DACH2: variants seen among roughly 807,000 people sequenced by gnomAD.
DACH2 encodes dachshund family transcription factor 2, also known as dachshund homolog 2.
Under a neutral mutation model 35.8 loss-of-function variants are expected in DACH2, and 17 were observed. That is an observed-to-expected ratio of 0.48 (90% confidence interval 0.33 to 0.71). DACH2 has a LOEUF of 0.71. Ranked by LOEUF, DACH2 falls within the 30% of genes least tolerant of loss-of-function variation. The probability of loss-of-function intolerance (pLI) is 0.02; values close to 1 mark genes in which losing one functional copy is unlikely to be tolerated. For synonymous variants in DACH2, 195 were observed against 177.3 expected (o/e 1.10, Z -0.79); for missense variants, 469 against 472.7 (o/e 0.99, Z 0.07).
At chrX:86,394,616 T>C (rs1231927189) in intron 2 of DACH2, among the ~76,000 whole-genome samples, 5 of 111,922 alleles carry the variant, frequency 4.5e-5, no homozygotes, top group African/African-American at 9.7e-5. Flanking sequence ...TGAAAGAATA[T>C]TTTTGTTTGT....
chrX:86,238,319 C>T (rs1302970512), intron 1 of DACH2, among the ~76,000 whole-genome samples: 1 of 111,430 alleles, frequency 9.0e-6, no homozygotes, highest in Non-Finnish European at 1.9e-5. Context: ...TGGCATTGTT[C>T]TTGATTTTGT....
chrX:86,334,138 C>T (rs1474637994), intron 1 of DACH2, among the ~76,000 whole-genome samples: 1 of 112,123 alleles, frequency 8.9e-6, no homozygotes, highest in Non-Finnish European at 1.9e-5. Flanking sequence ...GCCACATTTT[C>T]TTTATCCAGT....
chrX:86,691,466 A>C (rs1248938792), intron 4 of DACH2, among the ~76,000 whole-genome samples: 1 of 111,814 alleles, frequency 8.9e-6, no homozygotes, highest in Non-Finnish European at 1.9e-5. Context: ...GGTACTCCAT[A>C]AATATATACA....
intron 7 of DACH2, among the ~76,000 whole-genome samples, chrX:86,791,912 T>C (rs981650244): frequency 2.7e-5 from 3 of 112,038 alleles, no homozygotes; most frequent in Non-Finnish European, 5.6e-5. Context: ...GGGTTTGTTT[T>C]ACAGATTATT....
chrX:86,483,956 C>T (rs780244624), intron 2 of DACH2, among the ~76,000 whole-genome samples: 2 of 111,483 alleles, frequency 1.8e-5, no homozygotes, highest in Middle Eastern at 4.7e-3. Context: ...TATTTTTGTG[C>T]GTGTATGTAT....
intron 3 of DACH2, among the ~76,000 whole-genome samples, chrX:86,524,250 A>G (rs2038598932): frequency 8.9e-6 from 1 of 112,238 alleles, no homozygotes; most frequent in Admixed American, 9.5e-5. Flanking sequence ...TGCTGTAACT[A>G]CTTCCTGCTG....
intron 1 of DACH2, among the ~76,000 whole-genome samples, chrX:86,311,096 G>T (rs778755122): frequency 5.4e-5 from 6 of 111,859 alleles, no homozygotes; most frequent in Non-Finnish European, 9.4e-5. Context: ...TGGGTAATCA[G>T]CCAGCTACCT....
intron 1 of DACH2, among the ~76,000 whole-genome samples, chrX:86,198,896 T>A (rs2147899656): frequency 9.0e-6 from 1 of 110,648 alleles, no homozygotes; most frequent in African/African-American, 3.3e-5. Context: ...GAGGAGGGAC[T>A]CCTCCTTAAC....
rs1017725338 is a variant in DACH2, at chrX:86,473,914, A to G, written c.528-40365A>G. On this transcript the variant is annotated intron_variant, in intron 2 of 11. Coordinates refer to ENST00000373125, the MANE Select transcript of DACH2 (RefSeq NM_053281.3). ...CAAGATTATGGAATACAGTAGCTCT[A>G]TTTTTCATTTTTTGAGGAACCTCCA... 1.3e-4 allele frequency among the ~76,000 whole-genome samples: 14 copies of G among 111,065 alleles called. No individual in the cohort carries two copies. The Admixed American group carries it at 1.3e-3, about 11-fold the overall frequency.
intron 1 of DACH2, among the ~76,000 whole-genome samples, chrX:86,275,226 C>G (rs145191661): frequency 0.014 from 1,531 of 112,021 alleles, 22 homozygotes; most frequent in African/African-American, 0.045. Context: ...TATTATATAA[C>G]TTAAAACTTC....
chrX:86,454,990 G>C, intron 2 of DACH2, among the ~76,000 whole-genome samples: 1 of 111,424 alleles, frequency 9.0e-6, no homozygotes, highest in African/African-American at 3.3e-5. Flanking sequence ...GTTGTTTTCT[G>C]TTTGTTTGTT....
At chrX:86,358,497 G>T (rs928891087) in intron 1 of DACH2, among the ~76,000 whole-genome samples, 1 of 105,776 alleles carries the variant, frequency 9.5e-6, no homozygotes, top group African/African-American at 3.5e-5. Flanking sequence ...AGAGAGAGCT[G>T]GGCAGCAATT....
chrX:86,753,785 A>G (rs2041798897), intron 7 of DACH2, among the ~76,000 whole-genome samples: 1 of 110,933 alleles, frequency 9.0e-6, no homozygotes, highest in Non-Finnish European at 1.9e-5. Flanking sequence ...GTGTTTGTTT[A>G]TGATAAGAGA....
chrX:86,627,009 G>GT (rs373336356), intron 3 of DACH2, among the ~76,000 whole-genome samples: 4 of 112,509 alleles, frequency 3.6e-5, no homozygotes, highest in East Asian at 2.8e-4. Context: ...CTCAGAAAGT[G>GT]TTTTTTTCTT....
At chrX:86,160,818 G>C (rs2030727820) in intron 1 of DACH2, 1 of 485,272 alleles carries the variant, frequency 2.1e-6, no homozygotes, top group Non-Finnish European at 3.7e-6. Flanking sequence ...TGCAGCAAAG[G>C]AGACCACCAT....
intron 1 of DACH2, among the ~76,000 whole-genome samples, chrX:86,360,567 T>C (rs1296056251): frequency 9.0e-6 from 1 of 111,693 alleles, no homozygotes; most frequent in East Asian, 2.8e-4. Flanking sequence ...ATCAACCCAA[T>C]ACATGCTTTC....
intron 1 of DACH2, among the ~76,000 whole-genome samples, chrX:86,227,223 T>C (rs1284294532): frequency 1.8e-5 from 2 of 108,633 alleles, no homozygotes; most frequent in Non-Finnish European, 3.8e-5. Flanking sequence ...TTATCTTTCA[T>C]GTGTTTTTGA....
intron 3 of DACH2, among the ~76,000 whole-genome samples, chrX:86,521,383 G>A (rs189269700): frequency 2.7e-5 from 3 of 111,657 alleles, no homozygotes; most frequent in Non-Finnish European, 3.8e-5. Flanking sequence ...GTGTCTTGGG[G>A]ATGATCTTGT....
At chrX:86,285,998 C>CT (rs2034136437) in intron 1 of DACH2, among the ~76,000 whole-genome samples, 1 of 292 alleles carries the variant, frequency 3.4e-3, no homozygotes, top group Non-Finnish European at 6.8e-3. Context: ...TTTTGTTTGC[C>CT]TTGGATGGCA....
Sources: gnomAD v4.1 joint callset for allele counts (sites outside exome capture counted in the v4.1 genomes callset) on GRCh38, gnomAD v4.1.1 for gene constraint, MANE v1.5 for transcripts, NCBI Gene and HGNC (gene_info 2026-07-23, HGNC 2026-07-21) for gene names.